LRRC4C: variants seen among roughly 807,000 people sequenced by gnomAD.
The protein encoded by LRRC4C is leucine rich repeat containing 4C, also known as leucine-rich repeat-containing protein 4C.
In LRRC4C, 5 loss-of-function variants were observed where a neutral mutation model predicts 33.6. That is an observed-to-expected ratio of 0.15 (90% CI 0.08 to 0.31). The LOEUF (loss-of-function observed/expected upper bound fraction) is 0.31. Among genes scored for constraint, LRRC4C ranks in the 10% least tolerant of loss-of-function variants. LRRC4C has a pLI of 1.00. For missense variants in LRRC4C, 560 were observed against 796.7 expected (o/e 0.70, Z 3.58); for synonymous variants, 329 against 302.0 (o/e 1.09, Z -0.93).
chr11:40,923,211 T>G (rs574891093), intron 2 of LRRC4C, among the ~76,000 whole-genome samples: 1 of 152,346 alleles, frequency 6.6e-6, no homozygotes, highest in East Asian at 1.9e-4. Context: ...ACCTACTTAT[T>G]TCTATGCATT....
At chr11:40,718,121 A>G (rs1382383288) in intron 2 of LRRC4C, among the ~76,000 whole-genome samples, 1 of 152,174 alleles carries the variant, frequency 6.6e-6, no homozygotes, top group African/African-American at 2.4e-5. Context: ...GTGGATGCCT[A>G]TGTAATCATT....
chr11:40,252,617 G>C (rs906989802), intron 4 of LRRC4C, among the ~76,000 whole-genome samples: 1 of 152,186 alleles, frequency 6.6e-6, no homozygotes, highest in African/African-American at 2.4e-5. Flanking sequence ...AGCAGAGATA[G>C]CTCGAAACCC....
chr11:40,755,845 T>C (rs1948921639), intron 2 of LRRC4C, among the ~76,000 whole-genome samples: 1 of 152,122 alleles, frequency 6.6e-6, no homozygotes, highest in African/African-American at 2.4e-5. Context: ...CTTTAAATTA[T>C]ATTTGTTATG....
chr11:41,387,454 C>A (rs1239476018), intron 1 of LRRC4C, among the ~76,000 whole-genome samples: 1 of 151,366 alleles, frequency 6.6e-6, no homozygotes, highest in Non-Finnish European at 1.5e-5. Flanking sequence ...GGGTGTGGAG[C>A]AGTGATGGAG....
intron 3 of LRRC4C, among the ~76,000 whole-genome samples, chr11:40,646,552 C>T (rs1179190985): frequency 1.3e-5 from 2 of 152,054 alleles, no homozygotes; most frequent in African/African-American, 2.4e-5. Context: ...CCAAGTTTGA[C>T]GGCAAGGAAA....
chr11:40,217,782 A>G (rs1864082548), intron 5 of LRRC4C, among the ~76,000 whole-genome samples: 1 of 152,140 alleles, frequency 6.6e-6, no homozygotes, highest in Non-Finnish European at 1.5e-5. Flanking sequence ...TCCATCTGTT[A>G]GTAAGGACTA....
chr11:41,269,396 C>G (rs1026493146), intron 1 of LRRC4C, among the ~76,000 whole-genome samples: 1 of 151,952 alleles, frequency 6.6e-6, no homozygotes. Flanking sequence ...AGAGTTCAAG[C>G]CACAGAGAGA....
intron 4 of LRRC4C, among the ~76,000 whole-genome samples, chr11:40,300,408 G>A (rs1277094594): frequency 6.6e-6 from 1 of 152,136 alleles, no homozygotes; most frequent in Non-Finnish European, 1.5e-5. Context: ...AGAACAAAAC[G>A]CATTCTAAGA....
At chr11:41,044,803 T>G (rs986604675) in intron 1 of LRRC4C, among the ~76,000 whole-genome samples, 2 of 152,146 alleles carry the variant, frequency 1.3e-5, no homozygotes, top group African/African-American at 4.8e-5. Flanking sequence ...CTGTAAATTT[T>G]ACATTATTTA....
chr11:41,304,203 C>G (rs1950391613), intron 1 of LRRC4C, among the ~76,000 whole-genome samples: 2 of 118,810 alleles, frequency 1.7e-5, no homozygotes, highest in Non-Finnish European at 3.8e-5. Flanking sequence ...GGCCAGCCGC[C>G]CCGTCCGGGA....
At chr11:40,919,374 T>G (rs1957084588) in intron 2 of LRRC4C, among the ~76,000 whole-genome samples, 1 of 152,194 alleles carries the variant, frequency 6.6e-6, no homozygotes, top group Admixed American at 6.6e-5. Context: ...TGACAGTTCT[T>G]AATTTGTAGA....
At chr11:40,312,231 T>C (rs1374852470) in intron 4 of LRRC4C, among the ~76,000 whole-genome samples, 2 of 152,172 alleles carry the variant, frequency 1.3e-5, no homozygotes, top group Non-Finnish European at 2.9e-5. Flanking sequence ...TTATTATTGT[T>C]ACCTTAATCG....
In LRRC4C at chr11:41,055,167, A is replaced by AT. The variant is rs569103923; in HGVS notation, c.-495-121445dup. Among the ~76,000 whole-genome samples, 6 of 152,018 alleles carry AT rather than the reference A, an allele frequency of 3.9e-5. No homozygotes were observed. The South Asian group carries it at 8.3e-4, about 21-fold the overall frequency. On this transcript the variant is annotated intron_variant, in intron 1 of 6. Transcript: ENST00000528697. ...AATACCACAAATTAATTTTATTTAA[A>AT]TTTTTTTTGTGAATGAATCCCATTT...
chr11:41,308,941 G>A (rs906251668), intron 1 of LRRC4C, among the ~76,000 whole-genome samples: 3 of 151,942 alleles, frequency 2.0e-5, no homozygotes, highest in African/African-American at 4.8e-5. Context: ...AGTAGCTGGC[G>A]TTACAGGCAT....
chr11:41,397,931 A>C (rs1953881590), intron 1 of LRRC4C, among the ~76,000 whole-genome samples: 1 of 151,902 alleles, frequency 6.6e-6, no homozygotes, highest in Non-Finnish European at 1.5e-5. Context: ...CTCAGTTTTC[A>C]GTTATTTATA....
chr11:40,428,344 T>C (rs1442748349), intron 3 of LRRC4C, among the ~76,000 whole-genome samples: 1 of 152,222 alleles, frequency 6.6e-6, no homozygotes, highest in Non-Finnish European at 1.5e-5. Context: ...GCTAAAGACT[T>C]GTTACATGGC....
At chr11:40,914,286 C>A (rs1956839147) in intron 2 of LRRC4C, among the ~76,000 whole-genome samples, 1 of 152,082 alleles carries the variant, frequency 6.6e-6, no homozygotes, top group South Asian at 2.1e-4. Flanking sequence ...AACATTAATG[C>A]AAAAATCCTC....
chr11:40,577,517 C>T (rs1958243022), intron 3 of LRRC4C, among the ~76,000 whole-genome samples: 1 of 152,120 alleles, frequency 6.6e-6, no homozygotes, highest in African/African-American at 2.4e-5. Context: ...ATCGGTAGTT[C>T]TTAATGGGGT....
intron 4 of LRRC4C, among the ~76,000 whole-genome samples, chr11:40,302,769 C>G (rs1439421551): frequency 2.6e-5 from 4 of 152,148 alleles, no homozygotes; most frequent in African/African-American, 9.7e-5. Context: ...TTCCCAGACA[C>G]ACTTATATTT....
Sources: allele counts gnomAD v4.1 joint callset (sites outside exome capture counted in the v4.1 genomes callset), GRCh38; gene constraint gnomAD v4.1.1; transcripts MANE v1.5; gene names NCBI Gene and HGNC (gene_info 2026-07-23, HGNC 2026-07-21).